Variants in CREBRF observed in about 807,000 individuals in gnomAD.
The protein encoded by CREBRF is CREB3 regulatory factor.
In CREBRF, 5 loss-of-function variants were observed where a neutral mutation model predicts 66.1. The observed-to-expected ratio is 0.08, with a 90% CI of 0.04 to 0.16. CREBRF has a LOEUF of 0.16. Among genes scored for constraint, CREBRF ranks in the 10% least tolerant of loss-of-function variants. CREBRF has a pLI of 1.00. For synonymous variants in CREBRF, 229 were observed against 264.4 expected, an observed-to-expected ratio of 0.87 and a Z score of 1.30; for missense variants, 531 against 744.9, an observed-to-expected ratio of 0.71 and a Z score of 3.34.
intron 4 of CREBRF, chr5:173,091,911 C>A (rs1417676322): frequency 8.0e-6 from 3 of 373,266 alleles, no homozygotes; most frequent in Non-Finnish European, 1.1e-5. Context: ...ACAGCGAAAC[C>A]CTGTCTCTAC....
chr5:173,059,196 T>C (rs192987397), intron 1 of CREBRF, among the ~76,000 whole-genome samples: 166 of 152,148 alleles, frequency 1.1e-3, no homozygotes, highest in Non-Finnish European at 2.1e-3. Context: ...AAACTTGAAT[T>C]CTTACGTATA....
intron 4 of CREBRF, chr5:173,092,399 G>A (rs937451385): frequency 7.1e-6 from 7 of 985,294 alleles, no homozygotes; most frequent in South Asian, 9.4e-5. Flanking sequence ...ATCTCTGGGG[G>A]AACTGGTTCA....
chr5:173,078,856 A>AT (rs1274681539), intron 1 of CREBRF, among the ~76,000 whole-genome samples: 1 of 152,072 alleles, frequency 6.6e-6, no homozygotes, highest in Non-Finnish European at 1.5e-5. Context: ...AATTTTTCAG[A>AT]TTTTAAAGGG....
chr5:173,078,293 T>G (rs971919109), intron 1 of CREBRF, among the ~76,000 whole-genome samples: 3 of 152,168 alleles, frequency 2.0e-5, no homozygotes, highest in African/African-American at 7.2e-5. Context: ...GTGATGAATG[T>G]TAGATGATTC....
intron 1 of CREBRF, among the ~76,000 whole-genome samples, chr5:173,079,487 A>T (rs1235812927): frequency 6.6e-6 from 1 of 151,514 alleles, no homozygotes; most frequent in Non-Finnish European, 1.5e-5. Flanking sequence ...AAAAAAAAGG[A>T]AATTAATACA....
chr5:173,074,408 T>C (rs1047295809), intron 1 of CREBRF, among the ~76,000 whole-genome samples: 3 of 152,128 alleles, frequency 2.0e-5, no homozygotes, highest in Non-Finnish European at 4.4e-5. Context: ...TAGGAGCCTT[T>C]GGAAAGGAAT....
chr5:173,121,311 T>C (rs924858329), intron 7 of CREBRF, among the ~76,000 whole-genome samples: 4 of 151,300 alleles, frequency 2.6e-5, no homozygotes, highest in Admixed American at 1.3e-4. Context: ...CTCCTTTACT[T>C]ACTTTGAGTT....
chr5:173,064,535 G>C (rs890640878), intron 1 of CREBRF, among the ~76,000 whole-genome samples: 5 of 151,078 alleles, frequency 3.3e-5, no homozygotes, highest in African/African-American at 1.2e-4. Context: ...TGGGACTACA[G>C]GTGCGCACCA....
At chr5:173,122,458 A>G (rs1429940468) in intron 7 of CREBRF, among the ~76,000 whole-genome samples, 1 of 151,556 alleles carries the variant, frequency 6.6e-6, no homozygotes, top group African/African-American at 2.4e-5. Flanking sequence ...GTTTCTTTGT[A>G]TAGGAGCTGC....
intron 1 of CREBRF, among the ~76,000 whole-genome samples, chr5:173,062,947 C>T (rs1361582160): frequency 6.6e-6 from 1 of 151,868 alleles, no homozygotes; most frequent in African/African-American, 2.4e-5. Flanking sequence ...CGGGGTTTCA[C>T]CGTTTTAGCC....
intron 4 of CREBRF, among the ~76,000 whole-genome samples, chr5:173,096,444 C>T (rs1443359218): frequency 9.0e-5 from 5 of 55,320 alleles, no homozygotes; most frequent in African/African-American, 2.1e-4. Context: ...TCCCTCCCCT[C>T]CCCTCTCCTC....
intron 2 of CREBRF, among the ~76,000 whole-genome samples, chr5:173,083,093 T>C (rs1758015718): frequency 6.6e-6 from 1 of 151,652 alleles, no homozygotes; most frequent in South Asian, 2.1e-4. Flanking sequence ...CTGGACGTGG[T>C]GGTGCCTGCC....
At position 173,128,857 on chromosome 5, in the gene CREBRF, C is replaced by T. The variant is rs552915854; in HGVS notation, c.1805-4773C>T. 2.1e-4 allele frequency among the ~76,000 whole-genome samples: 30 copies of T among 145,394 alleles called. 1 individual carries two copies. In the South Asian group the frequency reaches 6.6e-3, roughly 32 times the overall value. On this transcript the variant is annotated intron_variant, in intron 8 of 8. Coordinates refer to ENST00000296953, the MANE Select transcript of CREBRF (RefSeq NM_153607.3). ...GTGCAGTGGCTCGATCTCGGCTCAC[C>T]TTATGCTCCGCCTCCCGGGCTCACA...
At chr5:173,074,266 A>G (rs933022865) in intron 1 of CREBRF, among the ~76,000 whole-genome samples, 1 of 148,032 alleles carries the variant, frequency 6.8e-6, no homozygotes, top group Non-Finnish European at 1.5e-5. Context: ...ACACCATTGC[A>G]CTCCAGCCTA....
rs1759069632 is a variant in CREBRF at position 173,118,841 on chromosome 5, C to T, written c.1682-4239C>T. ...ATTGCTTGAGGCCAAGAGTTCAAGACCAACCTGGCCAACATAGTGAGACCC... is the reference window on the plus strand; with the variant it reads ...ATTGCTTGAGGCCAAGAGTTCAAGATCAACCTGGCCAACATAGTGAGACCC... On this transcript the variant is annotated intron_variant, in intron 7 of 8. Coordinates refer to ENST00000296953, the MANE Select transcript of CREBRF (RefSeq NM_153607.3). Among the ~76,000 whole-genome samples the T allele has an allele frequency of 2.0e-5, 3 of 150,518 alleles. No homozygotes were observed. The South Asian group carries it at 6.4e-4, about 32-fold the overall frequency.
At chr5:173,115,073 G>A (rs937518790) in intron 7 of CREBRF, among the ~76,000 whole-genome samples, 2 of 151,428 alleles carry the variant, frequency 1.3e-5, no homozygotes, top group African/African-American at 4.8e-5. Context: ...TTTTACTTTA[G>A]ATTTTATAGT....
At chr5:173,092,318 T>C in intron 4 of CREBRF, 1 of 981,778 alleles carries the variant, frequency 1.0e-6, no homozygotes, top group Non-Finnish European at 1.2e-6. Context: ...TGCTGTAATT[T>C]GGTGAGCATG....
intron 4 of CREBRF, among the ~76,000 whole-genome samples, chr5:173,100,078 T>TTGTGTGTGTGTGTGTGTG (rs749558283): frequency 1.4e-5 from 1 of 69,134 alleles, no homozygotes; most frequent in Non-Finnish European, 2.7e-5. Flanking sequence ...GGCTAATCTT[T>TTGTGTGTGTGTGTGTGTG]TGTGTGTGTG....
chr5:173,081,388 C>T (rs927063000), intron 2 of CREBRF, among the ~76,000 whole-genome samples: 3 of 152,200 alleles, frequency 2.0e-5, no homozygotes, highest in African/African-American at 7.2e-5. Flanking sequence ...AGTCCCCATT[C>T]TGCTTATCTA....
Sources: gnomAD v4.1 joint callset for allele counts (sites outside exome capture counted in the v4.1 genomes callset) on GRCh38, gnomAD v4.1.1 for gene constraint, MANE v1.5 for transcripts, NCBI Gene and HGNC (gene_info 2026-07-23, HGNC 2026-07-21) for gene names.